The following CTNNA3 variants were observed in gnomAD, a reference collection of about 807,000 sequenced individuals.
The protein encoded by CTNNA3 is catenin alpha-3.
A neutral mutation model predicts 95.7 loss-of-function variants in CTNNA3; 76 were observed. The ratio of observed to expected loss-of-function variants is 0.79; its 90% confidence interval spans 0.66 to 0.96. The LOEUF is 0.96. CTNNA3 is among the 40% of genes least tolerant of loss of function. The pLI, the probability that CTNNA3 is intolerant of heterozygous loss-of-function variation, is 0.00. For synonymous variants in CTNNA3, 431 were observed against 374.4 expected (o/e 1.15, Z -1.74); for missense variants, 1,191 against 1,089.8 (o/e 1.09, Z -1.31).
At chr10:67,488,146 T>C (rs1291822300) in intron 5 of CTNNA3, among the ~76,000 whole-genome samples, 1 of 152,046 alleles carries the variant, frequency 6.6e-6, no homozygotes, top group African/African-American at 2.4e-5. Context: ...GGTAACAGAC[T>C]GTTTGGGGAG....
intron 7 of CTNNA3, chr10:67,099,357 A>C (rs1401087984): frequency 6.6e-6 from 1 of 151,668 alleles, no homozygotes; most frequent in African/African-American, 2.4e-5. Context: ...GCAAGTTTCA[A>C]TTACTGTTGC....
At chr10:66,003,961 A>C (rs1444406223) in intron 15 of CTNNA3, among the ~76,000 whole-genome samples, 1 of 152,164 alleles carries the variant, frequency 6.6e-6, no homozygotes. Context: ...TCGCATGCCC[A>C]CTCTGTTCCT....
Position 66,968,289 on chromosome 10 carries a change from C to T in CTNNA3, c.1048-192765G>A, listed in dbSNP as rs376611377. On this transcript the variant is annotated intron_variant, in intron 7 of 17. Coordinates refer to ENST00000433211, the MANE Select transcript of CTNNA3 (RefSeq NM_013266.4). ...AATACCAAGAGGCAGTTTGATTCTA[C>T]AGTATGGCAAGTAAGGAATATCAGA... is the stretch of plus-strand genomic sequence containing the variant. Among the ~76,000 whole-genome samples the T allele has an allele frequency of 6.0e-5, 9 of 150,976 alleles. No individual in the cohort carries two copies. The East Asian group carries it at 1.4e-3, about 23-fold the overall frequency.
chr10:66,627,580 A>G (rs990222067), intron 9 of CTNNA3, among the ~76,000 whole-genome samples: 1 of 152,154 alleles, frequency 6.6e-6, no homozygotes, highest in Non-Finnish European at 1.5e-5. Flanking sequence ...AGAATGTACT[A>G]ATCTCAGATG....
chr10:65,991,190 G>A (rs991530317), intron 15 of CTNNA3, among the ~76,000 whole-genome samples: 2 of 152,028 alleles, frequency 1.3e-5, no homozygotes, highest in African/African-American at 2.4e-5. Context: ...AGTATGATGT[G>A]TTGTGTCCTT....
intron 1 of CTNNA3, among the ~76,000 whole-genome samples, chr10:67,686,396 G>T (rs906864636): frequency 3.9e-5 from 6 of 152,300 alleles, no homozygotes; most frequent in African/African-American, 1.4e-4. Flanking sequence ...AGATCATCTT[G>T]GGTGGCATAA....
At chr10:67,513,142 A>C (rs1378970384) in intron 5 of CTNNA3, among the ~76,000 whole-genome samples, 4 of 152,160 alleles carry the variant, frequency 2.6e-5, no homozygotes, top group South Asian at 4.1e-4. Flanking sequence ...TATGAAACCC[A>C]ATTTCCTGGA....
intron 5 of CTNNA3, among the ~76,000 whole-genome samples, chr10:67,313,334 A>G (rs2616683): frequency 0.7 from 105,786 of 151,616 alleles, 41,373 homozygotes; most frequent in Non-Finnish European, 0.88. Flanking sequence ...CAGGAGGCTG[A>G]GGCAGGAGAA....
intron 11 of CTNNA3, among the ~76,000 whole-genome samples, chr10:66,509,750 T>A (rs1840589861): frequency 6.6e-6 from 1 of 151,964 alleles, no homozygotes; most frequent in Non-Finnish European, 1.5e-5. Context: ...ACCCATACCA[T>A]GTTGTTTTTG....
At chr10:67,647,330 C>A in intron 2 of CTNNA3, 85 bp downstream of exon 2, 2 of 986,676 alleles carry the variant, frequency 2.0e-6, no homozygotes, top group South Asian at 1.9e-5. Context: ...AAAATCAAAT[C>A]TTTTATTCTT....
chr10:67,760,385 G>C (rs1475015118), intron 1 of CTNNA3, among the ~76,000 whole-genome samples: 1 of 152,176 alleles, frequency 6.6e-6, no homozygotes, highest in East Asian at 1.9e-4. Flanking sequence ...CAAAATGAGT[G>C]AGAACACTAA....
intron 9 of CTNNA3, among the ~76,000 whole-genome samples, chr10:66,743,407 A>G (rs990670869): frequency 6.6e-6 from 1 of 152,194 alleles, no homozygotes; most frequent in Non-Finnish European, 1.5e-5. Context: ...ACATTTACTT[A>G]TATGTAAATT....
At chr10:65,945,788 A>G (rs1399219119) in intron 17 of CTNNA3, among the ~76,000 whole-genome samples, 3 of 152,216 alleles carry the variant, frequency 2.0e-5, no homozygotes, top group Admixed American at 6.5e-5. Flanking sequence ...GAAGATTTAA[A>G]TAACATATTT....
At chr10:66,562,825 T>C (rs1239161930) in intron 10 of CTNNA3, among the ~76,000 whole-genome samples, 3 of 152,054 alleles carry the variant, frequency 2.0e-5, no homozygotes, top group African/African-American at 7.2e-5. Context: ...GTTTGAAGCA[T>C]TTCACTGGAA....
chr10:66,541,627 T>C (rs1401252744), intron 10 of CTNNA3, among the ~76,000 whole-genome samples: 1 of 152,156 alleles, frequency 6.6e-6, no homozygotes, highest in Non-Finnish European at 1.5e-5. Context: ...TCTTTAGATA[T>C]TGTATGATAC....
chr10:66,318,276 A>ATATGTGTGTGTGTGTG lies in CTNNA3; in HGVS notation c.1733-37656_1733-37655insCACACACACACACATA, dbSNP rs33943741. ...GTTGCTGGGAGATATATATATATATATGTGTGTGTGTGTGTGTGTGTGTGT... is the reference window on the plus strand; with the variant it reads ...GTTGCTGGGAGATATATATATATATATATGTGTGTGTGTGTGTGTGTGTGTGTGTGTGTGTGTGTGT... On this transcript the variant is annotated intron_variant, in intron 12 of 17. Transcript: ENST00000433211. 2.7e-3 allele frequency among the ~76,000 whole-genome samples: 375 copies of ATATGTGTGTGTGTGTG among 136,636 alleles called. 1 individual carries two copies. The highest frequency in any genetic ancestry group is 7.2e-3 in the African/African-American group (267 of 37,014). 89.6% of individuals were successfully genotyped at this position (136,636 alleles called of 152,430 possible).
intron 12 of CTNNA3, among the ~76,000 whole-genome samples, chr10:66,365,279 A>G (rs1270916593): frequency 6.6e-6 from 1 of 152,158 alleles, no homozygotes; most frequent in Non-Finnish European, 1.5e-5. Flanking sequence ...GCAAACTATC[A>G]TAAGATGAGA....
At chr10:66,771,207 T>C (rs1207516864) in intron 8 of CTNNA3, among the ~76,000 whole-genome samples, 1 of 152,208 alleles carries the variant, frequency 6.6e-6, no homozygotes, top group African/African-American at 2.4e-5. Context: ...TACTTCATCT[T>C]TACTTTGATA....
At chr10:66,262,945 C>T (rs1451529922) in intron 13 of CTNNA3, among the ~76,000 whole-genome samples, 1 of 151,906 alleles carries the variant, frequency 6.6e-6, no homozygotes, top group Non-Finnish European at 1.5e-5. Flanking sequence ...TAGCCTCACA[C>T]AGGAAATGCC....
Sources: gnomAD v4.1 joint callset for allele counts (sites outside exome capture counted in the v4.1 genomes callset) on GRCh38, gnomAD v4.1.1 for gene constraint, MANE v1.5 for transcripts, NCBI Gene and HGNC (gene_info 2026-07-23, HGNC 2026-07-21) for gene names.